Variants in PCDH7 observed in about 807,000 individuals in gnomAD.
PCDH7 encodes protocadherin-7.
Under a neutral mutation model 58.9 loss-of-function variants are expected in PCDH7, and 17 were observed. The ratio of observed to expected loss-of-function variants is 0.29; its 90% CI spans 0.20 to 0.43. The LOEUF (loss-of-function observed/expected upper bound fraction) is 0.43. PCDH7 is among the 20% of genes least tolerant of loss of function. PCDH7 has a pLI of 1.00. For synonymous variants in PCDH7, 664 were observed against 616.4 expected (o/e 1.08, Z -1.14); for missense variants, 1,274 against 1,441.0 (o/e 0.88, Z 1.88).
intron 1 of PCDH7, among the ~76,000 whole-genome samples, chr4:30,911,149 G>A (rs1370261491): frequency 6.6e-6 from 1 of 151,986 alleles, no homozygotes; most frequent in Non-Finnish European, 1.5e-5. Context: ...CACCTACCAG[G>A]GCCTGTTGGA....
At chr4:30,868,078 CA>C (rs1735099528) in intron 1 of PCDH7, among the ~76,000 whole-genome samples, 2 of 151,918 alleles carry the variant, frequency 1.3e-5, no homozygotes, top group Non-Finnish European at 2.9e-5. Flanking sequence ...CACTACTTTT[CA>C]GTAGTCCTGT....
chr4:30,827,182 G>A (rs995772127), intron 1 of PCDH7, among the ~76,000 whole-genome samples: 13 of 152,252 alleles, frequency 8.5e-5, no homozygotes, highest in African/African-American at 2.6e-4. Flanking sequence ...AGCCTGCAAA[G>A]CAATTTACAA....
At chr4:31,009,517 T>TA (rs1227414567) in intron 3 of PCDH7, among the ~76,000 whole-genome samples, 1 of 152,038 alleles carries the variant, frequency 6.6e-6, no homozygotes, top group African/African-American at 2.4e-5. Context: ...AACACTGTGG[T>TA]AGCAAGTTCT....
At chr4:31,034,664 G>A (rs557952636) in intron 3 of PCDH7, among the ~76,000 whole-genome samples, 9 of 152,050 alleles carry the variant, frequency 5.9e-5, no homozygotes, top group South Asian at 2.1e-4. Flanking sequence ...AAAATCTATC[G>A]TCATTTCATC....
chr4:30,808,967 A>G (rs1383393649), intron 1 of PCDH7, among the ~76,000 whole-genome samples: 1 of 152,218 alleles, frequency 6.6e-6, no homozygotes, highest in Admixed American at 6.5e-5. Flanking sequence ...TGGTAATTCT[A>G]TTAACAGTTT....
chr4:30,809,242 C>T (rs1206199618), intron 1 of PCDH7, among the ~76,000 whole-genome samples: 1 of 152,192 alleles, frequency 6.6e-6, no homozygotes, highest in Non-Finnish European at 1.5e-5. Context: ...CATAATCAAT[C>T]ATCTGGATAG....
chr4:30,907,180 C>A (rs1402376995), intron 1 of PCDH7, among the ~76,000 whole-genome samples: 2 of 152,060 alleles, frequency 1.3e-5, no homozygotes, highest in Non-Finnish European at 2.9e-5. Flanking sequence ...AGATGAAGAA[C>A]ACTGGGCTAT....
intron 1 of PCDH7, among the ~76,000 whole-genome samples, chr4:30,786,311 G>A (rs1723386399): frequency 6.6e-6 from 1 of 151,992 alleles, no homozygotes; most frequent in African/African-American, 2.4e-5. Flanking sequence ...TTAGGGATGT[G>A]CAAGTTGTAA....
intron 3 of PCDH7, among the ~76,000 whole-genome samples, chr4:31,059,440 A>G (rs1757508318): frequency 1.3e-5 from 2 of 151,990 alleles, no homozygotes; most frequent in Admixed American, 1.3e-4. Context: ...GCATGACAGT[A>G]GAATTGTATC....
chr4:31,114,409 CAT>C (rs1164388997), intron 3 of PCDH7, among the ~76,000 whole-genome samples: 1 of 152,058 alleles, frequency 6.6e-6, no homozygotes, highest in East Asian at 1.9e-4. Context: ...AATAAACTGA[CAT>C]ATGGTTATCA....
intron 3 of PCDH7, among the ~76,000 whole-genome samples, chr4:30,991,826 TTAAA>T (rs1751487428): frequency 6.6e-6 from 1 of 152,142 alleles, no homozygotes; most frequent in African/African-American, 2.4e-5. Flanking sequence ...TATTTATGTA[TTAAA>T]TAGATATAAG....
chr4:30,993,608 G>A (rs1333010872), intron 3 of PCDH7, among the ~76,000 whole-genome samples: 1 of 152,006 alleles, frequency 6.6e-6, no homozygotes, highest in East Asian at 1.9e-4. Flanking sequence ...GTCATTTTAG[G>A]TTTTGATACT....
chr4:30,845,120 G>A (rs1021051307), intron 1 of PCDH7, among the ~76,000 whole-genome samples: 1 of 152,110 alleles, frequency 6.6e-6, no homozygotes, highest in African/African-American at 2.4e-5. Context: ...AGCAGTAATG[G>A]TGAATTATGC....
At chr4:30,957,464 C>T (rs765672248) in intron 3 of PCDH7, among the ~76,000 whole-genome samples, 3 of 152,046 alleles carry the variant, frequency 2.0e-5, no homozygotes, top group Admixed American at 6.6e-5. Flanking sequence ...TTAAAAACAA[C>T]CAGGAAATGT....
intron 3 of PCDH7, among the ~76,000 whole-genome samples, chr4:31,059,482 A>G (rs1442013755): frequency 6.6e-6 from 1 of 151,870 alleles, no homozygotes; most frequent in Admixed American, 6.6e-5. Flanking sequence ...TTTATTCATA[A>G]TCTCCAGAGT....
intron 3 of PCDH7, among the ~76,000 whole-genome samples, chr4:31,137,109 C>T (rs115195636): frequency 6.6e-6 from 1 of 152,202 alleles, no homozygotes; most frequent in African/African-American, 2.4e-5. Flanking sequence ...TTTTGTAAAA[C>T]CTTTTGTAAG....
intron 2 of PCDH7, among the ~76,000 whole-genome samples, chr4:30,933,128 G>A (rs1270162165): frequency 1.3e-5 from 2 of 151,896 alleles, no homozygotes; most frequent in Non-Finnish European, 2.9e-5. Flanking sequence ...CTGGGTTCAG[G>A]CAATTCTCCT....
intron 1 of PCDH7, among the ~76,000 whole-genome samples, chr4:30,790,062 C>T (rs1421204765): frequency 6.6e-6 from 1 of 152,178 alleles, no homozygotes; most frequent in African/African-American, 2.4e-5. Flanking sequence ...AAATATAAAA[C>T]AAAATCCAAA....
chr4:30,873,343 G>C (rs2109363820), intron 1 of PCDH7, among the ~76,000 whole-genome samples: 1 of 152,126 alleles, frequency 6.6e-6, no homozygotes, highest in Admixed American at 6.6e-5. Context: ...TGGGGATTCT[G>C]ATGTCATTAG....
Sources: gnomAD v4.1 joint callset for allele counts (sites outside exome capture counted in the v4.1 genomes callset) on GRCh38, gnomAD v4.1.1 for gene constraint, MANE v1.5 for transcripts, NCBI Gene and HGNC (gene_info 2026-07-23, HGNC 2026-07-21) for gene names.